NFATC2IP: variants seen among roughly 807,000 people sequenced by gnomAD.
NFATC2IP encodes nuclear factor of activated T cells 2 interacting protein, also known as NFATC2-interacting protein.
A neutral mutation model predicts 40.2 loss-of-function variants in NFATC2IP; 25 were observed. The observed-to-expected ratio is 0.62, with a 90% CI of 0.45 to 0.87. NFATC2IP has a LOEUF of 0.87. Ranked by LOEUF, NFATC2IP falls within the 40% of genes least tolerant of loss-of-function variation. The probability of loss-of-function intolerance (pLI) is 0.00; values close to 1 mark genes in which losing one functional copy is unlikely to be tolerated. For synonymous variants in NFATC2IP, 241 were observed against 236.3 expected, an observed-to-expected ratio of 1.02 and a Z score of -0.18; for missense variants, 553 against 555.6, an observed-to-expected ratio of 1.00 and a Z score of 0.05.
chr16:28,963,857 G>A lies in NFATC2IP; in HGVS notation c.1254G>A (p.Trp418Ter). 1 of 1,614,066 alleles carries A rather than the reference G, an allele frequency of 6.2e-7. No individual in the cohort carries two copies. Among genetic ancestry groups the A allele is most frequent in the Non-Finnish European group, 8.5e-7 (1 of 1,179,916 alleles). Reference protein sequence around the residue: ...GMESGDLIEVWG With the variant: ...GMESGDLIEV ...AATCTGGGGACCTCATTGAGGTCTG[G>A]GGCTGACACCCCACTCCCTGTTTGA... is the stretch of plus-strand genomic sequence containing the variant. The change falls in exon 8 of 8, where the codon TGG becomes TGA. Residue 418 changes from tryptophan to a stop codon, truncating the protein, a stop_gained. Transcript: ENST00000320805. LOFTEE classifies it high-confidence loss of function.
In NFATC2IP at chr16:28,956,221, CAG is replaced by C; in HGVS notation, c.731_732del (p.Gln244ArgfsTer5). 6.2e-7 allele frequency: 1 copy of C among 1,614,040 alleles called. No homozygotes were observed. The highest frequency in any genetic ancestry group is 8.5e-7 in the Non-Finnish European group (1 of 1,179,968). On this transcript the variant is annotated frameshift_variant, in exon 5 of 8. Coordinates refer to ENST00000320805, the MANE Select transcript of NFATC2IP (RefSeq NM_032815.4). LOFTEE classifies it high-confidence loss of function. ...CAAGCCACCTCAGGGTCAAGAGCAACAGGGCCAAGAGGATGAAGTGGTCTTGG... is the reference window on the plus strand; with the variant it reads ...CAAGCCACCTCAGGGTCAAGAGCAACGGCCAAGAGGATGAAGTGGTCTTGG... ...SPKPPQGQEQ[Q>X]GQEDEVVLVE...
chr16:28,958,992 C>CTG lies in NFATC2IP; in HGVS notation c.998_999dup (p.Val334TrpfsTer3), dbSNP rs751036473. 6.2e-7 allele frequency: 1 copy of CTG among 1,611,948 alleles called. No homozygotes were observed. Among genetic ancestry groups the CTG allele is most frequent in the African/African-American group, 1.3e-5 (1 of 74,894 alleles). On this transcript the variant is annotated frameshift_variant and splice_region_variant, in exon 7 of 8. Transcript: ENST00000320805. LOFTEE classifies it high-confidence loss of function. ...GCTTCCTGATTCTGCCTCCCACAGA[C>CTG]TGTGTGGTACTAACAAGTTCTCCAG...
chr16:28,961,899 C>CAAAAAAAA (rs1161300546), intron 7 of NFATC2IP, among the ~76,000 whole-genome samples: 2 of 49,146 alleles, frequency 4.1e-5, no homozygotes, highest in African/African-American at 6.1e-5. Flanking sequence ...GACTTCGTCT[C>CAAAAAAAA]AAAAAAAAAA....
In NFATC2IP at chr16:28,965,089, A is replaced by G. The variant is rs888862175; in HGVS notation, c.*1226A>G. On this transcript the variant is annotated 3_prime_UTR_variant, in exon 8 of 8. Coordinates refer to ENST00000320805, the MANE Select transcript of NFATC2IP (RefSeq NM_032815.4). ...TTGCCAGCACTTGTATTGCCAGACTACCTAATTTTTGCCAGTCTCATGGGT... is the reference window on the plus strand; with the variant it reads ...TTGCCAGCACTTGTATTGCCAGACTGCCTAATTTTTGCCAGTCTCATGGGT... The G allele has an allele frequency of 6.6e-6, 1 of 152,104 alleles. No individual in the cohort carries two copies. The highest frequency in any genetic ancestry group is 2.4e-5 in the African/African-American group (1 of 41,412). The allele number at this position is 152,104 out of a possible 1,614,324, so 9.4% of individuals were successfully genotyped here.
Position 28,964,018 on chromosome 16 carries a change from G to A in NFATC2IP, c.*155G>A. On this transcript the variant is annotated 3_prime_UTR_variant, in exon 8 of 8. Coordinates refer to ENST00000320805, the MANE Select transcript of NFATC2IP (RefSeq NM_032815.4). ...TTTGTCCCCTCTCCTGTTGACCCTG[G>A]TTTAGAGCCGTTAACCACTTGGTGA... The A allele has an allele frequency of 1.5e-6, 1 of 687,380 alleles. No individual in the cohort carries two copies. The highest frequency in any genetic ancestry group is 2.8e-5 in the East Asian group (1 of 36,340). The allele number at this position is 687,380 out of a possible 1,614,324, so 42.6% of individuals were successfully genotyped here. A position where few individuals can be genotyped will look rare whatever the true frequency, so the allele number is the denominator to read the frequency against.
rs1353668430 is a variant in NFATC2IP, at chr16:28,966,032, G to A, written c.*2169G>A. 1.3e-5 allele frequency: 2 copies of A among 152,024 alleles called. No individual in the cohort carries two copies. Among genetic ancestry groups the A allele is most frequent in the Non-Finnish European group, 2.9e-5 (2 of 68,032 alleles). 9.4% of individuals were successfully genotyped at this position (152,024 alleles called of 1,614,324 possible). On this transcript the variant is annotated 3_prime_UTR_variant, in exon 8 of 8. Transcript: ENST00000320805. ...ACAGTGCCACTGCACATCAGCCTGAGTGACAGAGAGACTTTGTCTCAAAAA... is the reference window on the plus strand; with the variant it reads ...ACAGTGCCACTGCACATCAGCCTGAATGACAGAGAGACTTTGTCTCAAAAA...
intron 7 of NFATC2IP, 66 bp from the exon 8 acceptor site, chr16:28,963,639 T>C: frequency 6.8e-7 from 1 of 1,463,388 alleles, no homozygotes; most frequent in Non-Finnish European, 9.5e-7. Context: ...AAGTTCCTCG[T>C]CTATCCCTAC....
rs1418618132 is a variant in NFATC2IP, at chr16:28,951,392, G to C, written c.381G>C (p.Ser127=). ...AGGCGCCGCTGGTTCCGGTGTACTC[G>C]GGGAAGGTGCGCCCGGTCCCGGGGA... ...PGEAPLVPVY[S]GKVKSSLRLI... Residue 127 remains serine (S), a synonymous_variant, in exon 1 of 8, where the codon TCG becomes TCC. Transcript: ENST00000320805. 32 of 1,398,752 alleles carry C rather than the reference G, an allele frequency of 2.3e-5. No homozygotes were observed. The highest frequency in any genetic ancestry group is 2.8e-5 in the Non-Finnish European group (30 of 1,080,074). 86.6% of individuals were successfully genotyped at this position (1,398,752 alleles called of 1,614,324 possible). A position where few individuals can be genotyped will look rare whatever the true frequency, so the allele number is the denominator to read the frequency against.
chr16:28,958,660 TGG>T, intron 5 of NFATC2IP, 55 bp from the exon 6 acceptor site: 1 of 1,492,760 alleles, frequency 6.7e-7, no homozygotes, highest in Non-Finnish European at 9.2e-7. Flanking sequence ...GTGGTGTGGC[TGG>T]GGGCATGGAT....
rs1398989181 is a variant in NFATC2IP, at chr16:28,964,422, G to T, written c.*559G>T. The T allele has an allele frequency of 6.5e-6, 1 of 153,828 alleles. No homozygotes were observed. The highest frequency in any genetic ancestry group is 1.4e-5 in the Non-Finnish European group (1 of 68,978). The allele number at this position is 153,828 out of a possible 1,614,324, so 9.5% of individuals were successfully genotyped here. On this transcript the variant is annotated 3_prime_UTR_variant, in exon 8 of 8. Coordinates refer to ENST00000320805, the MANE Select transcript of NFATC2IP (RefSeq NM_032815.4). ...AGACAACTGAGGTACTCTTTTGAAG[G>T]ATGAAGGTGGTGGATTCTCAGCCCT...
intron 7 of NFATC2IP, among the ~76,000 whole-genome samples, chr16:28,960,022 C>A (rs968317907): frequency 6.6e-6 from 1 of 152,130 alleles, no homozygotes; most frequent in Admixed American, 6.6e-5. Context: ...GAGTGGAAAC[C>A]TTCCTTACCT....
intron 7 of NFATC2IP, among the ~76,000 whole-genome samples, chr16:28,961,725 C>A (rs1313442266): frequency 6.6e-6 from 1 of 151,830 alleles, no homozygotes; most frequent in Non-Finnish European, 1.5e-5. Context: ...ATGGTGAAAC[C>A]CTGTCTCTAC....
At chr16:28,954,765 A>G in intron 3 of NFATC2IP, 83 bp downstream of exon 3, 1 of 777,818 alleles carries the variant, frequency 1.3e-6, no homozygotes, top group Non-Finnish European at 2.2e-6. Context: ...CTCTTGGGTG[A>G]CTCCTGAAAG....
rs1396989694 is a variant in NFATC2IP, at chr16:28,965,363, G to A, written c.*1500G>A. On this transcript the variant is annotated 3_prime_UTR_variant, in exon 8 of 8. Transcript: ENST00000320805. The stretch of plus-strand genomic sequence containing the variant: ...CCCAGCACTTTGGGAGGCCCAGGCA[G>A]AAGGATCGCTGCAGCCCAGGAGTTC... 1.3e-5 allele frequency: 2 copies of A among 152,136 alleles called. No homozygotes were observed. Among genetic ancestry groups the A allele is most frequent in the Non-Finnish European group, 2.9e-5 (2 of 68,042 alleles). 9.4% of individuals were successfully genotyped at this position (152,136 alleles called of 1,614,324 possible). A position where few individuals can be genotyped will look rare whatever the true frequency, so the allele number is the denominator to read the frequency against.
rs1596733154 is a variant in NFATC2IP at position 28,964,952 on chromosome 16, G to C, written c.*1089G>C. On this transcript the variant is annotated 3_prime_UTR_variant, in exon 8 of 8. Coordinates refer to ENST00000320805, the MANE Select transcript of NFATC2IP (RefSeq NM_032815.4). ...TCCCTTCTGTGCTTGTGTGGCATGT[G>C]TACCCAGGATGGGCCTATAGGTCAC... is the stretch of plus-strand genomic sequence containing the variant. The C allele has an allele frequency of 6.6e-6, 1 of 152,200 alleles. No homozygotes were observed. The highest frequency in any genetic ancestry group is 2.4e-5 in the African/African-American group (1 of 41,444). 9.4% of individuals were successfully genotyped at this position (152,200 alleles called of 1,614,324 possible). A position where few individuals can be genotyped will look rare whatever the true frequency, so the allele number is the denominator to read the frequency against.
intron 6 of NFATC2IP, 24 bp downstream of exon 6, chr16:28,958,885 G>C (rs1279112789): frequency 6.2e-7 from 1 of 1,612,820 alleles, no homozygotes; most frequent in South Asian, 1.1e-5. Flanking sequence ...AGGGAGGTGG[G>C]GCCTTGAGGC....
At chr16:28,952,908 G>A (rs915688991) in intron 2 of NFATC2IP, among the ~76,000 whole-genome samples, 20 of 151,954 alleles carry the variant, frequency 1.3e-4, no homozygotes, top group Middle Eastern at 3.4e-3. Flanking sequence ...CTAATTTTTT[G>A]TATTTTTAAT....
At position 28,955,963 on chromosome 16, in the gene NFATC2IP, C is replaced by T. The variant is rs1480930125; in HGVS notation, c.579-15C>T. The T allele has an allele frequency of 1.2e-6, 2 of 1,604,102 alleles. No homozygotes were observed. The highest frequency in any genetic ancestry group is 1.3e-5 in the African/African-American group (1 of 74,832). On this transcript the variant is annotated splice_polypyrimidine_tract_variant and intron_variant, in intron 3 of 7. Coordinates refer to ENST00000320805, the MANE Select transcript of NFATC2IP (RefSeq NM_032815.4). ...CTCTCCATTGCCTCCGTCCTGCTGT[C>T]TCTTGCTTCTACAGGGATCTGGACA...
intron 5 of NFATC2IP, 21 bp downstream of exon 5, chr16:28,956,358 G>C: frequency 6.2e-7 from 1 of 1,601,542 alleles, no homozygotes; most frequent in African/African-American, 1.3e-5. Context: ...GAGGCCCATG[G>C]GAGAAGGACC....
Sources: gnomAD v4.1 joint callset for allele counts (sites outside exome capture counted in the v4.1 genomes callset) on GRCh38, gnomAD v4.1.1 for gene constraint, MANE v1.5 for transcripts, NCBI Gene and HGNC (gene_info 2026-07-23, HGNC 2026-07-21) for gene names.